The following SCGB2B2 variants were observed in gnomAD, a reference collection of about 807,000 sequenced individuals.
SCGB2B2 encodes the protein secretoglobin family 2B member 2, also known as secretoglobin-like protein.
Under a neutral mutation model 7.6 loss-of-function variants are expected in SCGB2B2, and 11 were observed. The observed-to-expected ratio is 1.45, with a 90% CI of 0.91 to 2.40. SCGB2B2 has a LOEUF of 2.40. Among genes scored for constraint, SCGB2B2 ranks in the 30% most tolerant of loss-of-function variants. The pLI is 0.00. For synonymous variants in SCGB2B2, 50 were observed against 48.6 expected (o/e 1.03, Z -0.12); for missense variants, 104 against 115.4 (o/e 0.90, Z 0.45).
At chr19:34,613,559 G>A (rs2065992175) in intron 1 of SCGB2B2, among the ~76,000 whole-genome samples, 1 of 152,192 alleles carries the variant, frequency 6.6e-6, no homozygotes, top group African/African-American at 2.4e-5. Context: ...GATAAGTGAG[G>A]ACATATTCTT....
intron 1 of SCGB2B2, among the ~76,000 whole-genome samples, chr19:34,670,987 A>C (rs2067789119): frequency 6.6e-6 from 1 of 152,100 alleles, no homozygotes; most frequent in Admixed American, 6.5e-5. Flanking sequence ...GCAGTGGTGC[A>C]ATCTTGGCTC....
intron 1 of SCGB2B2, among the ~76,000 whole-genome samples, chr19:34,619,081 A>AATT (rs2034334562): frequency 6.6e-6 from 1 of 152,206 alleles, no homozygotes; most frequent in African/African-American, 2.4e-5. Context: ...TTTTTAAAGA[A>AATT]ATTAGAGTCC....
At chr19:34,598,515 T>G (rs2065526386) in intron 1 of SCGB2B2, among the ~76,000 whole-genome samples, 1 of 151,254 alleles carries the variant, frequency 6.6e-6, no homozygotes, top group Non-Finnish European at 1.5e-5. Flanking sequence ...CTGCAGAGGA[T>G]TTTTGGACAC....
At position 34,657,904 on chromosome 19, in the gene SCGB2B2, C is replaced by A. The variant is rs554622836; in HGVS notation, c.-2032+17726G>T. On this transcript the variant is annotated intron_variant, in intron 1 of 3. Coordinates refer to ENST00000601241, the MANE Select transcript of SCGB2B2 (RefSeq NM_001025591.4). ...AAATCACAACAAACTGTCTCTCAGA[C>A]CAAAGTGCAATCAAATTAGAACTCA... 1.2e-4 allele frequency among the ~76,000 whole-genome samples: 18 copies of A among 152,316 alleles called. No individual in the cohort carries two copies. The East Asian group carries it at 3.5e-3, about 29-fold the overall frequency.
intron 1 of SCGB2B2, among the ~76,000 whole-genome samples, chr19:34,611,953 C>A (rs980970167): frequency 1.4e-5 from 2 of 143,510 alleles, no homozygotes; most frequent in Non-Finnish European, 3.0e-5. Flanking sequence ...GTGCCTGGCC[C>A]AAAATTTACT....
At chr19:34,636,619 G>T (rs1003450485) in intron 1 of SCGB2B2, among the ~76,000 whole-genome samples, 18 of 152,230 alleles carry the variant, frequency 1.2e-4, no homozygotes, top group African/African-American at 4.1e-4. Context: ...TGGAAAGGAA[G>T]GGGTGAGACC....
chr19:34,594,591 C>G lies in SCGB2B2; in HGVS notation c.-28G>C. 1.9e-6 allele frequency: 3 copies of G among 1,608,958 alleles called. No individual in the cohort carries two copies. The highest frequency in any genetic ancestry group is 2.5e-6 in the Non-Finnish European group (3 of 1,177,114). On this transcript the variant is annotated 5_prime_UTR_variant, in exon 2 of 4. Coordinates refer to ENST00000601241, the MANE Select transcript of SCGB2B2 (RefSeq NM_001025591.4). ...CAGCGGAGTCTGGTCCCAGCAGGCA[C>G]AGGCAGGGAATTTGGCGATGGGTGA...
intron 1 of SCGB2B2, among the ~76,000 whole-genome samples, chr19:34,607,595 C>T (rs181547677): frequency 6.6e-6 from 1 of 152,220 alleles, no homozygotes; most frequent in African/African-American, 2.4e-5. Flanking sequence ...AATTTCTTCA[C>T]ATCTTTGCAA....
At chr19:34,621,088 A>T (rs189407400) in intron 1 of SCGB2B2, among the ~76,000 whole-genome samples, 1 of 152,330 alleles carries the variant, frequency 6.6e-6, no homozygotes, top group East Asian at 1.9e-4. Context: ...ATGAAGTAAA[A>T]GGCATTACAG....
chr19:34,594,469 C>A, intron 2 of SCGB2B2, 34 bp downstream of exon 2: 1 of 1,609,090 alleles, frequency 6.2e-7, no homozygotes. Context: ...GCAGGGCCAC[C>A]GCTTCCTCCC....
chr19:34,601,325 CT>C (rs2065618088), intron 1 of SCGB2B2, among the ~76,000 whole-genome samples: 1 of 152,192 alleles, frequency 6.6e-6, no homozygotes, highest in South Asian at 2.1e-4. Flanking sequence ...AGAGGGAGTC[CT>C]TCCACTTTGG....
At chr19:34,650,315 G>T (rs2067130642) in intron 1 of SCGB2B2, among the ~76,000 whole-genome samples, 1 of 151,236 alleles carries the variant, frequency 6.6e-6, no homozygotes, top group Non-Finnish European at 1.5e-5. Flanking sequence ...GGATTTCCTG[G>T]TGCCCCTTGG....
Position 34,599,372 on chromosome 19 carries a change from T to G in SCGB2B2, c.-2031-2778A>C, listed in dbSNP as rs117984339. ...TCTTTTCATGCTGCCAATAAAGACATACTTGAGACTCTGCAGTTTACAAAA... is the reference window on the plus strand; with the variant it reads ...TCTTTTCATGCTGCCAATAAAGACAGACTTGAGACTCTGCAGTTTACAAAA... On this transcript the variant is annotated intron_variant, in intron 1 of 3. Coordinates refer to ENST00000601241, the MANE Select transcript of SCGB2B2 (RefSeq NM_001025591.4). Among the ~76,000 whole-genome samples the G allele has an allele frequency of 2.4e-3, 370 of 152,346 alleles. 13 individuals carry two copies. The East Asian group carries it at 0.063, about 26-fold the overall frequency.
At chr19:34,661,760 C>T (rs1227736111) in intron 1 of SCGB2B2, among the ~76,000 whole-genome samples, 3 of 152,162 alleles carry the variant, frequency 2.0e-5, no homozygotes, top group Non-Finnish European at 4.4e-5. Flanking sequence ...CCATGCAGCC[C>T]AGGACAGCTT....
chr19:34,593,606 G>A lies in SCGB2B2; in HGVS notation c.247-7C>T. ...TGCTCTGAAGGATCTTCTTCTGTTG[G>A]AAAAAGAAGAAAGAGAGGAGCCGGT... On this transcript the variant is annotated splice_region_variant and splice_polypyrimidine_tract_variant and intron_variant, in intron 3 of 3. Coordinates refer to ENST00000601241, the MANE Select transcript of SCGB2B2 (RefSeq NM_001025591.4). 2 of 1,551,204 alleles carry A rather than the reference G, an allele frequency of 1.3e-6. No homozygotes were observed. The highest frequency in any genetic ancestry group is 1.7e-6 in the Non-Finnish European group (2 of 1,146,682).
intron 1 of SCGB2B2, among the ~76,000 whole-genome samples, chr19:34,661,014 T>G (rs2067438071): frequency 6.6e-6 from 1 of 151,256 alleles, no homozygotes; most frequent in Admixed American, 6.6e-5. Flanking sequence ...CTCAGCAAAT[T>G]ATCACAAGGA....
At chr19:34,594,137 G>A (rs1263854548) in intron 3 of SCGB2B2, 38 bp downstream of exon 3, 2 of 1,539,358 alleles carry the variant, frequency 1.3e-6, no homozygotes, top group South Asian at 1.1e-5. Context: ...GGGACGTGTG[G>A]CCATGTAGTG....
intron 1 of SCGB2B2, chr19:34,640,800 T>G (rs1164063565): frequency 2.6e-5 from 4 of 152,156 alleles, no homozygotes; most frequent in African/African-American, 9.7e-5. Flanking sequence ...TACTATGACT[T>G]ACAGTACCAG....
chr19:34,648,209 G>A (rs2067073063), intron 1 of SCGB2B2, among the ~76,000 whole-genome samples: 1 of 152,196 alleles, frequency 6.6e-6, no homozygotes, highest in Non-Finnish European at 1.5e-5. Flanking sequence ...TGGAGCTCAT[G>A]GGAGACTCAG....
Sources: allele counts gnomAD v4.1 joint callset (sites outside exome capture counted in the v4.1 genomes callset), GRCh38; gene constraint gnomAD v4.1.1; transcripts MANE v1.5; gene names NCBI Gene and HGNC (gene_info 2026-07-23, HGNC 2026-07-21).